Variants in OCA2 observed in about 807,000 individuals in gnomAD.
OCA2 encodes the protein OCA2 melanosomal transmembrane protein.
Under a neutral mutation model 100.2 loss-of-function variants are expected in OCA2, and 77 were observed. The ratio of observed to expected loss-of-function variants is 0.77; its 90% CI spans 0.64 to 0.93. OCA2 has a LOEUF of 0.93. Ranked by LOEUF, OCA2 falls within the 40% of genes least tolerant of loss-of-function variation. The pLI is 0.00. For synonymous variants in OCA2, 432 were observed against 439.2 expected, an observed-to-expected ratio of 0.98 and a Z score of 0.21; for missense variants, 1,062 against 1,089.1, an observed-to-expected ratio of 0.98 and a Z score of 0.35.
chr15:27,926,989 GT>G (rs2039066137), intron 18 of OCA2, among the ~76,000 whole-genome samples: 1 of 152,088 alleles, frequency 6.6e-6, no homozygotes, highest in South Asian at 2.1e-4. Context: ...GCATAATCAT[GT>G]TAAGATCCTT....
At chr15:27,791,560 G>A (rs989091096) in intron 23 of OCA2, among the ~76,000 whole-genome samples, 2 of 152,196 alleles carry the variant, frequency 1.3e-5, no homozygotes, top group Admixed American at 1.3e-4. Flanking sequence ...GACCTGCTGC[G>A]TGTCTTAGTT....
intron 1 of OCA2, among the ~76,000 whole-genome samples, chr15:28,090,634 T>C (rs1271185663): frequency 6.6e-6 from 1 of 152,164 alleles, no homozygotes; most frequent in Non-Finnish European, 1.5e-5. Flanking sequence ...CAGAATTATA[T>C]TGAACTGAAT....
At chr15:27,914,456 G>C (rs1297916054) in intron 19 of OCA2, among the ~76,000 whole-genome samples, 1 of 151,970 alleles carries the variant, frequency 6.6e-6, no homozygotes, top group Non-Finnish European at 1.5e-5. Context: ...TTTATACCTA[G>C]AAAACCCCAT....
intron 2 of OCA2, among the ~76,000 whole-genome samples, chr15:28,037,850 C>G (rs1246742155): frequency 6.6e-6 from 1 of 152,194 alleles, no homozygotes; most frequent in Non-Finnish European, 1.5e-5. Flanking sequence ...CACATCCCAG[C>G]CTGAGGATTG....
In OCA2 at chr15:28,027,972, G is replaced by T; in HGVS notation, c.414C>A (p.Tyr138Ter). 6.2e-7 allele frequency: 1 copy of T among 1,614,212 alleles called. No homozygotes were observed. Among genetic ancestry groups the T allele is most frequent in the Non-Finnish European group, 8.5e-7 (1 of 1,180,038 alleles). ...EDSSADWERR[Y>*]LLSREVSGLS... ...GACCAGACACCTCCCTGCTTAGCAG[G>T]TATCTTCGCTCCCAGTCAGCAGAGC... The change falls in exon 4 of 24, where the codon TAC (tyrosine) becomes TAA (stop). Residue 138 changes from tyrosine (Y) to a stop codon, truncating the protein, a stop_gained. Transcript: ENST00000354638. LOFTEE classifies it high-confidence loss of function.
the OCA2 span, among the ~76,000 whole-genome samples, chr15:27,736,136 ATAAC>A: frequency 1.3e-5 from 2 of 152,196 alleles, no homozygotes; most frequent in African/African-American, 4.8e-5. Flanking sequence ...AATAATAAAA[ATAAC>A]TATAAGTGTA....
intron 2 of OCA2, among the ~76,000 whole-genome samples, chr15:28,052,700 C>T (rs1293890441): frequency 6.6e-6 from 1 of 152,234 alleles, no homozygotes; most frequent in Non-Finnish European, 1.5e-5. Flanking sequence ...ACTATTTCTG[C>T]ATTTTCACAG....
At chr15:27,840,128 C>A (rs561515709) in intron 23 of OCA2, among the ~76,000 whole-genome samples, 2 of 151,710 alleles carry the variant, frequency 1.3e-5, no homozygotes, top group East Asian at 3.9e-4. Flanking sequence ...ATAAAACAAA[C>A]AAATAAAAAT....
chr15:27,844,938 T>G, intron 23 of OCA2, 21 bp downstream of exon 23: 1 of 1,543,062 alleles, frequency 6.5e-7, no homozygotes, highest in African/African-American at 1.4e-5. Flanking sequence ...AACAGAAAAT[T>G]TAAAGGGAAT....
chr15:27,850,858 C>T (rs1440496746), intron 22 of OCA2, among the ~76,000 whole-genome samples: 1 of 152,190 alleles, frequency 6.6e-6, no homozygotes, highest in South Asian at 2.1e-4. Context: ...ACAGCAACGG[C>T]ATCCACAACC....
chr15:27,954,159 A>ACACACACACC lies in OCA2; in HGVS notation c.1842+998_1842+999insGGTGTGTGTG, dbSNP rs147024497. Among the ~76,000 whole-genome samples, 461 of 55,080 alleles carry ACACACACACC rather than the reference A, an allele frequency of 8.4e-3. 5 individuals carry two copies. Among genetic ancestry groups the ACACACACACC allele is most frequent in the African/African-American group, 0.016 (442 of 27,990 alleles). The allele number at this position is 55,080 out of a possible 152,430, so 36.1% of individuals were successfully genotyped here. A position where few individuals can be genotyped will look rare whatever the true frequency, so the allele number is the denominator to read the frequency against. ...CACACACACACACACACACACACAC[A>ACACACACACC]CCTAGGGTCATTTCTGTAAGAATTC... On this transcript the variant is annotated intron_variant, in intron 17 of 23. Coordinates refer to ENST00000354638, the MANE Select transcript of OCA2 (RefSeq NM_000275.3).
intron 19 of OCA2, among the ~76,000 whole-genome samples, chr15:27,881,844 G>C (rs532787824): frequency 6.6e-6 from 1 of 152,056 alleles, no homozygotes; most frequent in South Asian, 2.1e-4. Context: ...TTGATTATTT[G>C]AAGGGCTTTT....
intron 9 of OCA2, among the ~76,000 whole-genome samples, chr15:28,011,018 G>T (rs1310830950): frequency 6.6e-6 from 1 of 152,178 alleles, no homozygotes; most frequent in East Asian, 1.9e-4. Flanking sequence ...AACCCAGAGA[G>T]ATACCCCACA....
intron 23 of OCA2, among the ~76,000 whole-genome samples, chr15:27,800,316 T>C (rs2151169920): frequency 6.6e-6 from 1 of 151,216 alleles, no homozygotes; most frequent in Middle Eastern, 3.4e-3. Flanking sequence ...AGAAAAAAAG[T>C]AAGTAAGCAG....
intron 23 of OCA2, among the ~76,000 whole-genome samples, chr15:27,827,364 C>A (rs1488334897): frequency 6.6e-6 from 1 of 152,146 alleles, no homozygotes; most frequent in Non-Finnish European, 1.5e-5. Flanking sequence ...AAGCTGAGTT[C>A]TGGAAGGAAG....
intron 2 of OCA2, among the ~76,000 whole-genome samples, chr15:28,054,601 C>T (rs1042296777): frequency 5.3e-5 from 8 of 152,200 alleles, no homozygotes; most frequent in Non-Finnish European, 1.0e-4. Context: ...AGATACCCCT[C>T]TCCCAAAATT....
At chr15:28,026,791 C>T (rs2042761947) in intron 4 of OCA2, among the ~76,000 whole-genome samples, 1 of 152,178 alleles carries the variant, frequency 6.6e-6, no homozygotes, top group African/African-American at 2.4e-5. Context: ...ACACTTCCAA[C>T]CAACCGCGAG....
intron 23 of OCA2, among the ~76,000 whole-genome samples, chr15:27,828,918 C>T (rs887638449): frequency 5.3e-5 from 8 of 152,102 alleles, no homozygotes; most frequent in South Asian, 2.1e-4. Flanking sequence ...CTAGAAGAGC[C>T]GCTGAGACAG....
chr15:27,924,531 G>C (rs1170122087), intron 19 of OCA2, among the ~76,000 whole-genome samples: 1 of 151,904 alleles, frequency 6.6e-6, no homozygotes, highest in Non-Finnish European at 1.5e-5. Flanking sequence ...CACAAACAAG[G>C]GAGGACAAAT....
Sources: allele counts gnomAD v4.1 joint callset (sites outside exome capture counted in the v4.1 genomes callset), GRCh38; gene constraint gnomAD v4.1.1; transcripts MANE v1.5; gene names NCBI Gene and HGNC (gene_info 2026-07-23, HGNC 2026-07-21).